PIK3C3: variants seen among roughly 807,000 people sequenced by gnomAD.
PIK3C3 encodes phosphatidylinositol 3-kinase catalytic subunit type 3, also known as PI3-kinase type 3.
In PIK3C3, 95 loss-of-function variants were observed where a neutral mutation model predicts 126.1. That is an observed-to-expected ratio of 0.75 (90% CI 0.64 to 0.89). The LOEUF (loss-of-function observed/expected upper bound fraction) is 0.89. Ranked by LOEUF, PIK3C3 falls within the 40% of genes least tolerant of loss-of-function variation. The pLI, the probability that PIK3C3 is intolerant of heterozygous loss-of-function variation, is 0.00. For synonymous variants in PIK3C3, 374 were observed against 360.0 expected, an observed-to-expected ratio of 1.04 and a Z score of -0.44; for missense variants, 829 against 1,063.2, an observed-to-expected ratio of 0.78 and a Z score of 3.06.
intron 3 of PIK3C3, among the ~76,000 whole-genome samples, chr18:41,969,865 A>G (rs751487703): frequency 4.6e-5 from 7 of 152,234 alleles, no homozygotes; most frequent in Non-Finnish European, 1.0e-4. Context: ...TATGTGGGTA[A>G]TAGCACAGCT....
intron 21 of PIK3C3, among the ~76,000 whole-genome samples, chr18:42,052,483 ATCTT>A (rs1984850075): frequency 6.6e-6 from 1 of 152,162 alleles, no homozygotes; most frequent in Non-Finnish European, 1.5e-5. Flanking sequence ...AGCATTTTAT[ATCTT>A]TCTTACTGGA....
intron 4 of PIK3C3, 21 bp from the exon 5 acceptor site, chr18:41,987,791 G>T: frequency 6.4e-7 from 1 of 1,568,006 alleles, no homozygotes; most frequent in Non-Finnish European, 8.7e-7. Context: ...TAAAATTTTC[G>T]TCATTGTATT....
rs1180172649 is a variant in PIK3C3, at chr18:41,966,303, G to A, written c.401+3671G>A. ...TCCTGCCTCAGCCTCCTGAGTAGCC[G>A]GGATTACAGGCCCATGCCACCGTGC... On this transcript the variant is annotated intron_variant, in intron 3 of 24. Coordinates refer to ENST00000262039, the MANE Select transcript of PIK3C3 (RefSeq NM_002647.4). 5.3e-5 allele frequency among the ~76,000 whole-genome samples: 8 copies of A among 151,020 alleles called. No individual in the cohort carries two copies. The South Asian group carries it at 1.7e-3, about 32-fold the overall frequency.
intron 4 of PIK3C3, 140 bp from the exon 5 acceptor site, chr18:41,987,672 C>G: frequency 2.1e-6 from 1 of 476,720 alleles, no homozygotes; most frequent in Admixed American, 3.9e-5. Flanking sequence ...TGCCAAGTTT[C>G]TTATCCTGCT....
intron 10 of PIK3C3, among the ~76,000 whole-genome samples, chr18:42,007,116 C>A (rs1222787858): frequency 6.6e-6 from 1 of 152,126 alleles, no homozygotes; most frequent in African/African-American, 2.4e-5. Flanking sequence ...GATCCGCCCC[C>A]ATCGGCCTCC....
chr18:42,001,199 C>T lies in PIK3C3; in HGVS notation c.985-3157C>T, dbSNP rs539973388. Among the ~76,000 whole-genome samples the T allele has an allele frequency of 2.2e-4, 33 of 152,056 alleles. No individual in the cohort carries two copies. The South Asian group carries it at 5.6e-3, about 26-fold the overall frequency. ...TAAAGCTAACATTTGATGTCAACAT[C>T]GAAATAGAATAAAAATAATAACTGA... On this transcript the variant is annotated intron_variant, in intron 9 of 24. Coordinates refer to ENST00000262039, the MANE Select transcript of PIK3C3 (RefSeq NM_002647.4).
chr18:42,066,795 ATTATT>A (rs1163287918), intron 23 of PIK3C3, among the ~76,000 whole-genome samples: 2 of 152,164 alleles, frequency 1.3e-5, no homozygotes, highest in African/African-American at 4.8e-5. Flanking sequence ...GACTAAAAAA[ATTATT>A]TTATCTTTGG....
intron 8 of PIK3C3, among the ~76,000 whole-genome samples, chr18:41,996,202 A>G (rs926721031): frequency 6.6e-6 from 1 of 152,182 alleles, no homozygotes; most frequent in Non-Finnish European, 1.5e-5. Flanking sequence ...ACAGAACTGC[A>G]TATACTGTAT....
At chr18:42,057,037 A>C (rs1411794394) in intron 21 of PIK3C3, among the ~76,000 whole-genome samples, 1 of 147,182 alleles carries the variant, frequency 6.8e-6, no homozygotes, top group Admixed American at 6.8e-5. Context: ...ATCATTCAGT[A>C]GTTTCTTTTA....
chr18:41,987,740 C>T (rs1981559990), intron 4 of PIK3C3, 72 bp from the exon 5 acceptor site: 2 of 910,070 alleles, frequency 2.2e-6, no homozygotes, highest in Middle Eastern at 2.2e-4. Context: ...TGTACATTGC[C>T]ATTCTGACAT....
At chr18:42,003,021 C>G (rs74613023) in intron 9 of PIK3C3, among the ~76,000 whole-genome samples, 1 of 152,220 alleles carries the variant, frequency 6.6e-6, no homozygotes, top group East Asian at 1.9e-4. Flanking sequence ...AATTGGTGGA[C>G]CTGAGTTCTA....
chr18:42,055,372 T>C (rs1049143907), intron 21 of PIK3C3, among the ~76,000 whole-genome samples: 6 of 152,104 alleles, frequency 3.9e-5, no homozygotes, highest in African/African-American at 1.4e-4. Context: ...AAGTATATTG[T>C]AAGGGTTTAA....
chr18:42,064,818 A>G lies in PIK3C3; in HGVS notation c.2511A>G (p.Lys837=). Residue 837 remains lysine (K), a synonymous_variant, in exon 23 of 25, where the codon AAA becomes AAG. Transcript: ENST00000262039. ...CAGATATTGCACTTGAACCAGATAA[A>G]ACTGTGAAAAAGGTAATTTTTAAGT... ...NIPDIALEPD[K]TVKKVQDKFR... The G allele has an allele frequency of 6.4e-7, 1 of 1,571,442 alleles. No homozygotes were observed.
intron 24 of PIK3C3, 118 bp downstream of exon 24, chr18:42,067,631 G>GT: frequency 9.2e-7 from 1 of 1,088,506 alleles, no homozygotes; most frequent in Non-Finnish European, 1.3e-6. Context: ...CTATCAAGTC[G>GT]TTTTGACATC....
At chr18:42,002,193 A>G (rs1164254545) in intron 9 of PIK3C3, among the ~76,000 whole-genome samples, 1 of 152,190 alleles carries the variant, frequency 6.6e-6, no homozygotes, top group Non-Finnish European at 1.5e-5. Flanking sequence ...ACTTTAGAGG[A>G]GATGATATCC....
intron 9 of PIK3C3, among the ~76,000 whole-genome samples, chr18:41,998,950 C>G (rs1345502042): frequency 6.6e-6 from 1 of 152,000 alleles, no homozygotes; most frequent in African/African-American, 2.4e-5. Context: ...ACATTTGGGC[C>G]CTGGGGCTGA....
intron 2 of PIK3C3, among the ~76,000 whole-genome samples, chr18:41,960,478 A>G (rs186674101): frequency 8.8e-4 from 134 of 152,326 alleles, no homozygotes; most frequent in African/African-American, 3.1e-3. Flanking sequence ...TGCTAGCACA[A>G]TGGTATGCGG....
chr18:41,983,617 A>C lies in PIK3C3; in HGVS notation c.532-4195A>C, dbSNP rs76194423. Among the ~76,000 whole-genome samples, 184 of 152,292 alleles carry C rather than the reference A, an allele frequency of 1.2e-3. 2 individuals are homozygous for C. The highest frequency in any genetic ancestry group is 3.4e-3 in the Middle Eastern group (1 of 294). ...AAATAGAGAAGAGTACGGAGCAATG[A>C]ACTGTGAGTTCTAATGATCGTGGAA... On this transcript the variant is annotated intron_variant, in intron 4 of 24. Coordinates refer to ENST00000262039, the MANE Select transcript of PIK3C3 (RefSeq NM_002647.4).
intron 3 of PIK3C3, among the ~76,000 whole-genome samples, chr18:41,965,411 C>G (rs768642419): frequency 1.1e-4 from 16 of 152,178 alleles, no homozygotes; most frequent in Non-Finnish European, 2.1e-4. Flanking sequence ...TCTAAACAAA[C>G]TCTCAGATTG....
Sources: allele counts gnomAD v4.1 joint callset (sites outside exome capture counted in the v4.1 genomes callset), GRCh38; gene constraint gnomAD v4.1.1; transcripts MANE v1.5; gene names NCBI Gene and HGNC (gene_info 2026-07-23, HGNC 2026-07-21).